CHCHD6: variants seen among roughly 807,000 people sequenced by gnomAD.
The protein encoded by CHCHD6 is coiled-coil-helix-coiled-coil-helix domain containing 6.
A neutral mutation model predicts 32.3 loss-of-function variants in CHCHD6; 28 were observed. The ratio of observed to expected loss-of-function variants is 0.87; its 90% CI spans 0.64 to 1.19. CHCHD6 has a LOEUF of 1.19. CHCHD6 is among the 50% of genes most tolerant of loss of function. CHCHD6 has a pLI of 0.00. For synonymous variants in CHCHD6, 122 were observed against 117.5 expected, an observed-to-expected ratio of 1.04 and a Z score of -0.25; for missense variants, 333 against 307.0, an observed-to-expected ratio of 1.08 and a Z score of -0.63.
intron 4 of CHCHD6, among the ~76,000 whole-genome samples, chr3:126,757,527 C>T (rs978931164): frequency 2.0e-5 from 3 of 152,176 alleles, no homozygotes; most frequent in African/African-American, 7.2e-5. Flanking sequence ...ACACAGACTT[C>T]CGCAGCAAGC....
At chr3:126,736,093 A>T (rs1489435012) in intron 4 of CHCHD6, among the ~76,000 whole-genome samples, 11 of 152,218 alleles carry the variant, frequency 7.2e-5, no homozygotes. Flanking sequence ...ATGGTTGGGG[A>T]GTGCTTTTAG....
At chr3:126,875,194 C>T (rs1321061680) in intron 5 of CHCHD6, among the ~76,000 whole-genome samples, 1 of 152,202 alleles carries the variant, frequency 6.6e-6, no homozygotes, top group Non-Finnish European at 1.5e-5. Context: ...GATTCTTCCT[C>T]ATCACAACAC....
chr3:126,900,131 G>T (rs1362954751), intron 5 of CHCHD6, among the ~76,000 whole-genome samples: 2 of 152,254 alleles, frequency 1.3e-5, no homozygotes, highest in East Asian at 3.8e-4. Context: ...TACACATAAT[G>T]TGTAGCAACG....
chr3:126,868,281 T>A (rs1169954934), intron 5 of CHCHD6, among the ~76,000 whole-genome samples: 1 of 152,098 alleles, frequency 6.6e-6, no homozygotes, highest in East Asian at 1.9e-4. Flanking sequence ...TGGGCTGAGG[T>A]GGATGGACGT....
intron 5 of CHCHD6, among the ~76,000 whole-genome samples, chr3:126,900,602 CTTTTTTT>C (rs35627042): frequency 8.6e-6 from 1 of 116,816 alleles, no homozygotes; most frequent in Admixed American, 9.6e-5. Flanking sequence ...GTGTGACACA[CTTTTTTT>C]TTTTTTTTTT....
intron 4 of CHCHD6, among the ~76,000 whole-genome samples, chr3:126,736,020 C>A (rs1038667433): frequency 3.3e-5 from 5 of 152,172 alleles, no homozygotes; most frequent in Non-Finnish European, 7.3e-5. Flanking sequence ...AGGCAGTCAA[C>A]TAAATGCTGA....
intron 4 of CHCHD6, among the ~76,000 whole-genome samples, chr3:126,792,984 T>C (rs557857671): frequency 6.6e-6 from 1 of 152,336 alleles, no homozygotes; most frequent in South Asian, 2.1e-4. Flanking sequence ...TTTATCATTA[T>C]GTAAAGTTTC....
At chr3:126,816,381 GT>G (rs1463341568) in intron 4 of CHCHD6, among the ~76,000 whole-genome samples, 1 of 152,220 alleles carries the variant, frequency 6.6e-6, no homozygotes, top group Non-Finnish European at 1.5e-5. Flanking sequence ...TAGAGCCATT[GT>G]TTGGCTCTGT....
chr3:126,948,812 A>T (rs13086231), intron 6 of CHCHD6, among the ~76,000 whole-genome samples: 84,034 of 152,152 alleles, frequency 0.55, 25,439 homozygotes, highest in Non-Finnish European at 0.68. Context: ...TGAGGAACTC[A>T]TTTGGTGTTA....
intron 5 of CHCHD6, among the ~76,000 whole-genome samples, chr3:126,867,766 C>T (rs1242636881): frequency 6.6e-6 from 1 of 152,212 alleles, no homozygotes; most frequent in African/African-American, 2.4e-5. Context: ...GTCCTGCCCA[C>T]ATCATTGAGC....
chr3:126,876,373 G>A (rs1036158189), intron 5 of CHCHD6, among the ~76,000 whole-genome samples: 9 of 152,206 alleles, frequency 5.9e-5, no homozygotes, highest in Non-Finnish European at 1.3e-4. Context: ...GAGAAGAAAC[G>A]GGCCTCCATT....
chr3:126,905,110 G>A (rs1040070987), intron 5 of CHCHD6, among the ~76,000 whole-genome samples: 3 of 152,174 alleles, frequency 2.0e-5, no homozygotes, highest in Non-Finnish European at 4.4e-5. Flanking sequence ...CCAAGAAACA[G>A]CGCCTTCATT....
At chr3:126,834,539 T>C (rs565294602) in intron 4 of CHCHD6, among the ~76,000 whole-genome samples, 16 of 152,266 alleles carry the variant, frequency 1.1e-4, no homozygotes, top group African/African-American at 3.9e-4. Flanking sequence ...TCCTAGGTCA[T>C]GAAGCCCTAC....
intron 4 of CHCHD6, 94 bp downstream of exon 4, chr3:126,733,316 T>TA (rs758420473): frequency 5.7e-5 from 72 of 1,252,258 alleles, no homozygotes; most frequent in Non-Finnish European, 7.6e-5. Flanking sequence ...TCTGAAGCCC[T>TA]GCTGGCTCAG....
chr3:126,797,359 T>G (rs529208628), intron 4 of CHCHD6, among the ~76,000 whole-genome samples: 1 of 152,150 alleles, frequency 6.6e-6, no homozygotes, highest in African/African-American at 2.4e-5. Context: ...AACTAGACTT[T>G]CCATATTTGA....
At chr3:126,847,858 C>T (rs1941343176) in intron 4 of CHCHD6, among the ~76,000 whole-genome samples, 1 of 152,122 alleles carries the variant, frequency 6.6e-6, no homozygotes, top group Admixed American at 6.5e-5. Flanking sequence ...GTCCTCCTTC[C>T]CCTCTCTTAC....
chr3:126,905,079 A>G (rs1260060255), intron 5 of CHCHD6, among the ~76,000 whole-genome samples: 1 of 152,100 alleles, frequency 6.6e-6, no homozygotes, highest in Non-Finnish European at 1.5e-5. Context: ...GCAGTCTGGA[A>G]TGTGTCACAT....
At chr3:126,886,178 A>G (rs924893951) in intron 5 of CHCHD6, among the ~76,000 whole-genome samples, 10 of 152,234 alleles carry the variant, frequency 6.6e-5, no homozygotes, top group African/African-American at 2.4e-4. Context: ...TGTTTTAGAG[A>G]TAGAAGCTCC....
chr3:126,941,023 G>A (rs1288290586), intron 6 of CHCHD6, among the ~76,000 whole-genome samples: 1 of 152,060 alleles, frequency 6.6e-6, no homozygotes. Context: ...GTGGAGATGG[G>A]AACCAAATGT....
Sources: allele counts gnomAD v4.1 joint callset (sites outside exome capture counted in the v4.1 genomes callset), GRCh38; gene constraint gnomAD v4.1.1; transcripts MANE v1.5; gene names NCBI Gene and HGNC (gene_info 2026-07-23, HGNC 2026-07-21).